The following FBXO9 variants were observed in gnomAD, a reference collection of about 807,000 sequenced individuals.
The protein encoded by FBXO9 is F-box only protein 9.
In FBXO9, 43 loss-of-function variants were observed where a neutral mutation model predicts 63.7. The ratio of observed to expected loss-of-function variants is 0.67; its 90% CI spans 0.53 to 0.87. FBXO9 has a LOEUF of 0.87. FBXO9 is among the 40% of genes least tolerant of loss of function. The pLI is 0.00. For missense variants in FBXO9, 442 were observed against 533.2 expected, an observed-to-expected ratio of 0.83 and a Z score of 1.68; for synonymous variants, 156 against 171.7, an observed-to-expected ratio of 0.91 and a Z score of 0.72.
intron 1 of FBXO9, chr6:53,066,051 G>C: frequency 8.2e-7 from 1 of 1,222,822 alleles, no homozygotes. Flanking sequence ...AGGGTTTGCA[G>C]GACAGCCGGG....
In FBXO9 at chr6:53,093,868, TG is replaced by T. The variant is rs1161927326; in HGVS notation, c.960-16del. 1.1e-5 allele frequency: 16 copies of T among 1,470,368 alleles called. No individual in the cohort carries two copies. The East Asian group carries it at 1.2e-4, about 11-fold the overall frequency. 91.1% of individuals were successfully genotyped at this position (1,470,368 alleles called of 1,614,324 possible). A position where few individuals can be genotyped will look rare whatever the true frequency, so the allele number is the denominator to read the frequency against. ...CTTAATAACTGATTTAGATTCAATT[TG>T]TTTTTTTTTTTTAAGGACTGATGCA... On this transcript the variant is annotated splice_polypyrimidine_tract_variant and intron_variant, in intron 10 of 12. Coordinates refer to ENST00000323557, the MANE Select transcript of FBXO9 (RefSeq NM_033480.3).
intron 1 of FBXO9, among the ~76,000 whole-genome samples, chr6:53,066,528 A>T (rs1463923878): frequency 1.3e-5 from 2 of 152,270 alleles, no homozygotes; most frequent in Non-Finnish European, 2.9e-5. Flanking sequence ...GCTGGGGCTT[A>T]AAGAATCAGG....
At chr6:53,066,175 C>T (rs1266535280) in intron 1 of FBXO9, 4 of 1,024,078 alleles carry the variant, frequency 3.9e-6, no homozygotes, top group South Asian at 9.3e-5. Flanking sequence ...CGCCTGAATT[C>T]GGGAGGGAGC....
At position 53,082,622 on chromosome 6, in the gene FBXO9, C is replaced by T; in HGVS notation, c.653+4C>T. 1.3e-6 allele frequency: 2 copies of T among 1,599,772 alleles called. No homozygotes were observed. Among genetic ancestry groups the T allele is most frequent in the Middle Eastern group, 1.7e-4 (1 of 5,998 alleles). On this transcript the variant is annotated splice_donor_region_variant and intron_variant, in intron 7 of 12. Coordinates refer to ENST00000323557, the MANE Select transcript of FBXO9 (RefSeq NM_033480.3). Reference sequence around the variant, plus strand: ...GAGGATTCTACATCTGTGCCAGGTACTAAGTTTTTGTTTTTGTTTTTTAAA... The same window carrying T: ...GAGGATTCTACATCTGTGCCAGGTATTAAGTTTTTGTTTTTGTTTTTTAAA...
chr6:53,083,997 A>G (rs1483289860), intron 7 of FBXO9, among the ~76,000 whole-genome samples: 2 of 152,214 alleles, frequency 1.3e-5, no homozygotes, highest in African/African-American at 4.8e-5. Flanking sequence ...TCTGAAGGGA[A>G]TGACTCTCAG....
chr6:53,066,623 T>C (rs1768707835), intron 1 of FBXO9, among the ~76,000 whole-genome samples: 1 of 152,260 alleles, frequency 6.6e-6, no homozygotes, highest in Non-Finnish European at 1.5e-5. Context: ...TTTTATTAAA[T>C]TAATCTGGAG....
At chr6:53,086,112 G>A (rs1053826787) in intron 7 of FBXO9, among the ~76,000 whole-genome samples, 1 of 152,176 alleles carries the variant, frequency 6.6e-6, no homozygotes, top group Admixed American at 6.5e-5. Context: ...TCGCACCATT[G>A]CGCTCCAGCC....
intron 7 of FBXO9, chr6:53,092,190 A>T (rs1763058182): frequency 2.4e-6 from 1 of 409,832 alleles, no homozygotes; most frequent in Non-Finnish European, 4.4e-6. Flanking sequence ...CTGTCTGCTG[A>T]CTCTACTTTG....
chr6:53,093,526 G>T lies in FBXO9; in HGVS notation c.924G>T (p.Gln308His), dbSNP rs1047347387. ...TGTTGACAACCCCTGAAGAGCCTCAGTCCATTGTTCCACGTTTAAGAACTA... is the reference window on the plus strand; with the variant it reads ...TGTTGACAACCCCTGAAGAGCCTCATTCCATTGTTCCACGTTTAAGAACTA... ...VMMLTTPEEP[Q>H]SIVPRLRTRN... The change falls in exon 10 of 13, where the codon CAG becomes CAT. Residue 308 changes from glutamine to histidine, a missense_variant. Gln to His is a conservative substitution (Grantham distance 24, BLOSUM62 0). Transcript: ENST00000323557. 3 of 1,613,748 alleles carry T rather than the reference G, an allele frequency of 1.9e-6. No homozygotes were observed. The highest frequency in any genetic ancestry group is 2.5e-6 in the Non-Finnish European group (3 of 1,179,756).
intron 1 of FBXO9, chr6:53,068,075 A>G (rs1319083261): frequency 1.7e-5 from 2 of 116,240 alleles, no homozygotes; most frequent in African/African-American, 6.8e-5. Context: ...ATGTGTGTTA[A>G]TATAAACATT....
intron 7 of FBXO9, among the ~76,000 whole-genome samples, chr6:53,087,671 A>C (rs9395840): frequency 0.56 from 84,994 of 152,018 alleles, 24,480 homozygotes; most frequent in South Asian, 0.7. Flanking sequence ...GGAACTAGGG[A>C]AATTAATTAG....
At chr6:53,076,035 C>T (rs772418957) in intron 3 of FBXO9, among the ~76,000 whole-genome samples, 3 of 152,078 alleles carry the variant, frequency 2.0e-5, no homozygotes, top group Non-Finnish European at 4.4e-5. Context: ...TGAGCCACCG[C>T]GCCCAGCCAG....
chr6:53,073,671 T>A (rs1581809006), intron 3 of FBXO9, 32 bp downstream of exon 3: 2 of 4,240 alleles, frequency 4.7e-4, no homozygotes, highest in Non-Finnish European at 2.9e-4. Flanking sequence ...ACAAATTACA[T>A]TTTTTTTTTT....
chr6:53,070,862 C>T lies in FBXO9; in HGVS notation c.4-195C>T, dbSNP rs375762315. On this transcript the variant is annotated intron_variant, in intron 1 of 12. Transcript: ENST00000323557. ...ACTGTGGGTTGGAGTAGAGAATATG[C>T]TTTTCAGACTCATTTTCCTTTGGAA... The T allele has an allele frequency of 3.0e-5, 24 of 813,018 alleles. 1 individual carries two copies. The East Asian group carries it at 4.9e-4, about 17-fold the overall frequency. The allele number at this position is 813,018 out of a possible 1,614,324, so 50.4% of individuals were successfully genotyped here. A position where few individuals can be genotyped will look rare whatever the true frequency, so the allele number is the denominator to read the frequency against.
At chr6:53,077,362 A>ACTTG (rs1769150875) in intron 4 of FBXO9, among the ~76,000 whole-genome samples, 2 of 147,822 alleles carry the variant, frequency 1.4e-5, no homozygotes, top group South Asian at 4.4e-4. Context: ...AGTCCCAGCT[A>ACTTG]CTTGGGAGGC....
intron 1 of FBXO9, 165 bp downstream of exon 1, chr6:53,065,957 G>C (rs1768680865): frequency 8.6e-7 from 1 of 1,160,942 alleles, no homozygotes; most frequent in Non-Finnish European, 1.1e-6. Flanking sequence ...TGCGTCGGGG[G>C]GCGGGGGGTG....
intron 10 of FBXO9, 70 bp from the exon 11 acceptor site, chr6:53,093,815 T>C (rs1407174205): frequency 2.5e-6 from 3 of 1,217,508 alleles, no homozygotes; most frequent in African/African-American, 3.1e-5. Flanking sequence ...CTGTTGTAAT[T>C]TGTTACTTCT....
chr6:53,089,929 C>T (rs1289450470), intron 7 of FBXO9, among the ~76,000 whole-genome samples: 1 of 152,178 alleles, frequency 6.6e-6, no homozygotes, highest in Non-Finnish European at 1.5e-5. Context: ...GCTTCTGACA[C>T]TTCTGTATTT....
At chr6:53,075,730 T>C (rs1401644143) in intron 3 of FBXO9, among the ~76,000 whole-genome samples, 4 of 124,846 alleles carry the variant, frequency 3.2e-5, no homozygotes, top group Non-Finnish European at 6.5e-5. Flanking sequence ...CATATATATA[T>C]ATAATTATTT....
Sources: allele counts gnomAD v4.1 joint callset (sites outside exome capture counted in the v4.1 genomes callset), GRCh38; gene constraint gnomAD v4.1.1; transcripts MANE v1.5; gene names NCBI Gene and HGNC (gene_info 2026-07-23, HGNC 2026-07-21).